The following SLC12A6 variants were observed in gnomAD, a reference collection of about 807,000 sequenced individuals.
SLC12A6 encodes the protein K-Cl cotransporter 3.
SLC12A6 carries 66 observed loss-of-function variants against 135.3 expected under a neutral mutation model. That is an observed-to-expected ratio of 0.49 (90% CI 0.40 to 0.60). The LOEUF is 0.60. Among genes scored for constraint, SLC12A6 ranks in the 20% least tolerant of loss-of-function variants. SLC12A6 has a pLI of 0.00. For synonymous variants in SLC12A6, 513 were observed against 508.8 expected, an observed-to-expected ratio of 1.01 and a Z score of -0.11; for missense variants, 1,058 against 1,452.3, an observed-to-expected ratio of 0.73 and a Z score of 4.41.
chr15:34,245,683 G>A lies in SLC12A6; in HGVS notation c.1824+10C>T, dbSNP rs1032237149. The A allele has an allele frequency of 2.5e-6, 4 of 1,607,420 alleles. No homozygotes were observed. The Admixed American group carries it at 6.7e-5, about 27-fold the overall frequency. ...AAAAAAAGAAGAGGGCATAATAAAAGGTCACTCACCCTCAGAAACGGTATG... is the reference window on the plus strand; with the variant it reads ...AAAAAAAGAAGAGGGCATAATAAAAAGTCACTCACCCTCAGAAACGGTATG... On this transcript the variant is annotated intron_variant, in intron 14 of 25. Coordinates refer to ENST00000354181, the MANE Select transcript of SLC12A6 (RefSeq NM_001365088.1).
At chr15:34,293,728 T>G (rs555110882) in intron 2 of SLC12A6, among the ~76,000 whole-genome samples, 1 of 152,322 alleles carries the variant, frequency 6.6e-6, no homozygotes, top group African/African-American at 2.4e-5. Flanking sequence ...GCCTTCCCAG[T>G]AGCTGGGACT....
intron 2 of SLC12A6, among the ~76,000 whole-genome samples, chr15:34,290,776 G>A (rs1438899722): frequency 6.6e-6 from 1 of 152,178 alleles, no homozygotes; most frequent in Non-Finnish European, 1.5e-5. Flanking sequence ...TTATCAAACA[G>A]ACCAGGATTG....
At position 34,233,944 on chromosome 15, in the gene SLC12A6, C is replaced by T; in HGVS notation, c.3390G>A (p.Glu1130=). 1 of 1,604,350 alleles carries T rather than the reference C, an allele frequency of 6.2e-7. No individual in the cohort carries two copies. The highest frequency in any genetic ancestry group is 2.2e-5 in the East Asian group (1 of 44,834). The change falls in exon 26 of 26, where the codon GAG becomes GAA. Residue 1130 remains glutamate (E), a synonymous_variant. Coordinates refer to ENST00000354181, the MANE Select transcript of SLC12A6 (RefSeq NM_001365088.1). ...GGACAAGTAGGACTCGCTCTAGTCC[C>T]TCGGTAAGCACCTCTAGGAACTCCA... The part of the protein sequence containing the change: ...NYMEFLEVLT[E]GLERVLLVRG...
chr15:34,237,440 C>T lies in SLC12A6; in HGVS notation c.2913G>A (p.Ala971=), dbSNP rs749794771. ...ATFLYHLRIE[A]EVEVVEMHDS... is the part of the protein sequence containing the mutation. The stretch of plus-strand genomic sequence containing the variant: ...TCACCATCTCCACCACTTCTACCTC[C>T]GCCTCAATGCGTAAGTGATATAGGA... The change falls in exon 22 of 26, where the codon GCG becomes GCA. Residue 971 remains alanine, a synonymous_variant. Coordinates refer to ENST00000354181, the MANE Select transcript of SLC12A6 (RefSeq NM_001365088.1). 12 of 1,612,760 alleles carry T rather than the reference C, an allele frequency of 7.4e-6. No homozygotes were observed. The highest frequency in any genetic ancestry group is 2.2e-5 in the East Asian group (1 of 44,826).
chr15:34,268,601 C>CTAA (rs1893683605), intron 3 of SLC12A6, among the ~76,000 whole-genome samples: 1 of 152,130 alleles, frequency 6.6e-6, no homozygotes, highest in South Asian at 2.1e-4. Context: ...AACCATGCTG[C>CTAA]TTTAGAGTTC....
chr15:34,230,014 CTT>C lies in SLC12A6; in HGVS notation c.*3865_*3866del. On this transcript the variant is annotated 3_prime_UTR_variant, in exon 26 of 26. Coordinates refer to ENST00000354181, the MANE Select transcript of SLC12A6 (RefSeq NM_001365088.1). ...CCAAGGCTGAAAATAATGTAGAAAA[CTT>C]TATTTTTGTTTCCAGTACAGAGCAA... is the stretch of plus-strand genomic sequence containing the variant. The C allele has an allele frequency of 3.5e-6, 2 of 574,060 alleles. No homozygotes were observed. Among genetic ancestry groups the C allele is most frequent in the South Asian group, 2.3e-5 (1 of 43,648 alleles). The allele number at this position is 574,060 out of a possible 1,614,324, so 35.6% of individuals were successfully genotyped here.
chr15:34,301,503 T>C (rs1282331438), intron 2 of SLC12A6, among the ~76,000 whole-genome samples: 1 of 152,182 alleles, frequency 6.6e-6, no homozygotes. Flanking sequence ...ACTGTAATGC[T>C]GTCATTCCAA....
At chr15:34,237,905 G>A (rs879477584) in intron 21 of SLC12A6, among the ~76,000 whole-genome samples, 18 of 152,124 alleles carry the variant, frequency 1.2e-4, no homozygotes, top group Admixed American at 2.6e-4. Flanking sequence ...CGGAATGAGC[G>A]CATATATGCG....
At chr15:34,249,386 C>T (rs1892227556) in intron 13 of SLC12A6, among the ~76,000 whole-genome samples, 1 of 151,846 alleles carries the variant, frequency 6.6e-6, no homozygotes, top group African/African-American at 2.4e-5. Flanking sequence ...ATAGTAAGGC[C>T]CCATCTTTAC....
At chr15:34,291,775 G>A (rs113785314) in intron 2 of SLC12A6, among the ~76,000 whole-genome samples, 1,819 of 151,524 alleles carry the variant, frequency 0.012, 15 homozygotes, top group Middle Eastern at 0.034. Context: ...TGATTGAATC[G>A]GCTATTGAAG....
intron 7 of SLC12A6, 94 bp from the exon 8 acceptor site, chr15:34,255,486 A>G: frequency 1.1e-6 from 1 of 906,042 alleles, no homozygotes; most frequent in Non-Finnish European, 1.8e-6. Context: ...ATATACATAA[A>G]GGTTAAATGT....
chr15:34,323,630 CA>C (rs557637190), intron 2 of SLC12A6, among the ~76,000 whole-genome samples: 97 of 152,200 alleles, frequency 6.4e-4, no homozygotes, highest in African/African-American at 2.3e-3. Flanking sequence ...CCTCTGGTGC[CA>C]AAAAGGTTGG....
At chr15:34,246,390 T>C (rs575826364) in intron 13 of SLC12A6, among the ~76,000 whole-genome samples, 147 of 152,302 alleles carry the variant, frequency 9.7e-4, no homozygotes, top group Non-Finnish European at 2.0e-3. Flanking sequence ...CAGTTGTAAC[T>C]TTCCCCTTCA....
rs1203228860 is a variant in SLC12A6, at chr15:34,233,821, C to T, written c.*60G>A. Reference sequence around the variant, plus strand: ...TGGGAGTGGTAGTAATGAGCTGGCACTTCCATGGAGGACGTAGGCCTTTTA... The same window carrying T: ...TGGGAGTGGTAGTAATGAGCTGGCATTTCCATGGAGGACGTAGGCCTTTTA... On this transcript the variant is annotated 3_prime_UTR_variant, in exon 26 of 26. Transcript: ENST00000354181. 7 of 889,714 alleles carry T rather than the reference C, an allele frequency of 7.9e-6. No homozygotes were observed. The highest frequency in any genetic ancestry group is 2.1e-4 in the Middle Eastern group (1 of 4,656). The allele number at this position is 889,714 out of a possible 1,614,324, so 55.1% of individuals were successfully genotyped here.
chr15:34,313,112 G>A (rs112405278), intron 2 of SLC12A6, among the ~76,000 whole-genome samples: 6 of 152,330 alleles, frequency 3.9e-5, no homozygotes, highest in African/African-American at 1.4e-4. Context: ...CAAGTGAAAA[G>A]ATGTTGGACA....
chr15:34,252,219 G>A lies in SLC12A6; in HGVS notation c.1284C>T (p.Asn428=), dbSNP rs34098566. ...ATCDEYFVHN[N]VTSIQGIPGL... ...CAGGAATGCCCTGGATTGAAGTGAC[G>A]TTATTGTGAACAAAGTATTCATCAC... The change falls in exon 10 of 26, where the codon AAC becomes AAT. Residue 428 remains asparagine, a synonymous_variant. Coordinates refer to ENST00000354181, the MANE Select transcript of SLC12A6 (RefSeq NM_001365088.1). The A allele has an allele frequency of 1.4e-3, 2,262 of 1,607,864 alleles. 23 individuals carry two copies. The African/African-American group carries it at 0.025, about 18-fold the overall frequency.
chr15:34,316,038 C>T (rs934892749), intron 2 of SLC12A6, among the ~76,000 whole-genome samples: 5 of 152,146 alleles, frequency 3.3e-5, no homozygotes, highest in African/African-American at 1.2e-4. Context: ...ATACCTGTAC[C>T]TTTTCAAAAA....
At chr15:34,242,057 A>G in intron 17 of SLC12A6, 45 bp downstream of exon 17, 1 of 1,516,380 alleles carries the variant, frequency 6.6e-7, no homozygotes, top group Non-Finnish European at 9.2e-7. Flanking sequence ...CAAACTAGCT[A>G]GTCTTGCTAC....
At chr15:34,260,639 A>C (rs938455267) in intron 4 of SLC12A6, among the ~76,000 whole-genome samples, 2 of 152,244 alleles carry the variant, frequency 1.3e-5, no homozygotes, top group African/African-American at 4.8e-5. Context: ...TAGAAGAAAG[A>C]TTATTCTAAT....
Sources: gnomAD v4.1 joint callset for allele counts (sites outside exome capture counted in the v4.1 genomes callset) on GRCh38, gnomAD v4.1.1 for gene constraint, MANE v1.5 for transcripts, NCBI Gene and HGNC (gene_info 2026-07-23, HGNC 2026-07-21) for gene names.